The following MAP4 variants were observed in gnomAD, a reference collection of about 807,000 sequenced individuals.
MAP4 encodes the protein microtubule associated protein 4.
Under a neutral mutation model 170.2 loss-of-function variants are expected in MAP4, and 76 were observed. The ratio of observed to expected loss-of-function variants is 0.45; its 90% CI spans 0.37 to 0.54. The LOEUF is 0.54. Ranked by LOEUF, MAP4 falls within the 20% of genes least tolerant of loss-of-function variation. The pLI is 0.00. For missense variants in MAP4, 2,506 were observed against 2,748.0 expected, an observed-to-expected ratio of 0.91 and a Z score of 1.97; for synonymous variants, 909 against 994.5, an observed-to-expected ratio of 0.91 and a Z score of 1.62.
At chr3:48,019,198 TGG>T (rs1276153940), upstream of MAP4, among the ~76,000 whole-genome samples, 2 of 151,928 alleles carry the variant, frequency 1.3e-5, no homozygotes, top group African/African-American at 2.4e-5. Flanking sequence ...TTTAATTAGC[TGG>T]GCATGGTGGT....
intron 3 of MAP4, among the ~76,000 whole-genome samples, chr3:47,969,892 G>A (rs1331689777): frequency 6.6e-6 from 1 of 151,810 alleles, no homozygotes; most frequent in Non-Finnish European, 1.5e-5. Context: ...AGCAATGAGA[G>A]ATGGTAAATG....
chr3:47,887,177 G>A (rs889583240), intron 10 of MAP4, among the ~76,000 whole-genome samples: 1 of 152,262 alleles, frequency 6.6e-6, no homozygotes, highest in Non-Finnish European at 1.5e-5. Flanking sequence ...GCCAGAGCCA[G>A]CTCCCTCAGC....
At chr3:47,932,232 T>C (rs2100050288) in intron 3 of MAP4, among the ~76,000 whole-genome samples, 1 of 152,236 alleles carries the variant, frequency 6.6e-6, no homozygotes. Context: ...GTTTTCAAGG[T>C]TCATCCATGC....
chr3:48,039,560 G>A (rs1488704421), intron 1 of MAP4: 1 of 152,272 alleles, frequency 6.6e-6, no homozygotes, highest in African/African-American at 2.4e-5. Flanking sequence ...AATAAAAGTA[G>A]TTTTCAAACT....
At chr3:47,907,661 G>A (rs1277717369) in intron 9 of MAP4, among the ~76,000 whole-genome samples, 1 of 152,114 alleles carries the variant, frequency 6.6e-6, no homozygotes, top group African/African-American at 2.4e-5. Flanking sequence ...TGGAAATACT[G>A]AGCAAAAAGA....
At chr3:47,863,937 T>TGTGTGGGGGGGGGGGGG (rs374208589) in intron 17 of MAP4, among the ~76,000 whole-genome samples, 1 of 138,356 alleles carries the variant, frequency 7.2e-6, no homozygotes, top group African/African-American at 2.7e-5. Flanking sequence ...TGTGTGTGTG[T>TGTGTGGGGGGGGGGGGG]GGGGAGTGGT....
intron 3 of MAP4, among the ~76,000 whole-genome samples, chr3:47,963,227 G>C (rs984197753): frequency 6.6e-6 from 1 of 152,164 alleles, no homozygotes; most frequent in African/African-American, 2.4e-5. Flanking sequence ...AGGGGCTGAT[G>C]GTCAAACAGA....
chr3:47,944,921 G>A (rs1578091730), intron 3 of MAP4, among the ~76,000 whole-genome samples: 1 of 147,798 alleles, frequency 6.8e-6, no homozygotes, highest in East Asian at 2.0e-4. Flanking sequence ...TTTGTTAATG[G>A]TATTGCAATT....
intron 1 of MAP4, among the ~76,000 whole-genome samples, chr3:48,083,334 A>G (rs1559921450): frequency 6.6e-6 from 1 of 152,222 alleles, no homozygotes; most frequent in Non-Finnish European, 1.5e-5. Flanking sequence ...GTTTTAAACT[A>G]TTTTCCATAT....
chr3:47,942,331 A>T (rs1463480293), intron 3 of MAP4, among the ~76,000 whole-genome samples: 1 of 152,212 alleles, frequency 6.6e-6, no homozygotes, highest in Admixed American at 6.6e-5. Context: ...AAATGTCTGA[A>T]TGTGGTATTT....
At chr3:47,921,681 G>A in intron 5 of MAP4, 84 bp downstream of exon 5, 1 of 716,100 alleles carries the variant, frequency 1.4e-6, no homozygotes, top group Admixed American at 2.3e-5. Context: ...TTTTGTCACA[G>A]AGCCCTAGTC....
At chr3:48,008,989 G>C (rs1392264924) in intron 1 of MAP4, among the ~76,000 whole-genome samples, 1 of 152,172 alleles carries the variant, frequency 6.6e-6, no homozygotes, top group East Asian at 1.9e-4. Flanking sequence ...AAAGGGCAGA[G>C]GATTGTCCTC....
At chr3:47,920,552 T>G (rs985798201) in intron 5 of MAP4, among the ~76,000 whole-genome samples, 12 of 150,660 alleles carry the variant, frequency 8.0e-5, no homozygotes, top group Non-Finnish European at 1.3e-4. Context: ...TGGTTTTTTT[T>G]TTTTTTTTTT....
At chr3:48,005,174 A>G (rs2100101543) in intron 1 of MAP4, among the ~76,000 whole-genome samples, 1 of 152,182 alleles carries the variant, frequency 6.6e-6, no homozygotes, top group Admixed American at 6.5e-5. Flanking sequence ...AGTCTGGCCA[A>G]CATAGTGAAA....
intron 1 of MAP4, 35 bp from the exon 2 acceptor site, chr3:47,998,914 G>A (rs1306195414): frequency 8.4e-7 from 1 of 1,196,224 alleles, no homozygotes; most frequent in Admixed American, 1.8e-5. Context: ...CATGTAACGA[G>A]CACTGCAAAA....
chr3:48,040,430 A>C (rs1352955473), intron 1 of MAP4, among the ~76,000 whole-genome samples: 1 of 151,712 alleles, frequency 6.6e-6, no homozygotes, highest in Non-Finnish European at 1.5e-5. Flanking sequence ...AGCCATGCCC[A>C]ACTAATTTTT....
In MAP4 at chr3:47,932,722, T is replaced by C. The variant is rs989937237; in HGVS notation, c.293-4372A>G. ...TTCATCTGGCATTTGTATGTTTTCTTTGGAGACGTGAAATGAGTGGGGTCT... is the reference window on the plus strand; with the variant it reads ...TTCATCTGGCATTTGTATGTTTTCTCTGGAGACGTGAAATGAGTGGGGTCT... On this transcript the variant is annotated intron_variant, in intron 3 of 20. Coordinates refer to ENST00000683076, the MANE Select transcript of MAP4 (RefSeq NM_001385682.1). Among the ~76,000 whole-genome samples, 11 of 152,216 alleles carry C rather than the reference T, an allele frequency of 7.2e-5. No individual in the cohort carries two copies. In the East Asian group the frequency reaches 1.5e-3, roughly 21 times the overall value.
chr3:48,058,668 T>C (rs2100133547), intron 1 of MAP4, among the ~76,000 whole-genome samples: 1 of 152,242 alleles, frequency 6.6e-6, no homozygotes. Context: ...AAAAAATGTA[T>C]ACAGGAATCT....
intron 10 of MAP4, among the ~76,000 whole-genome samples, chr3:47,893,893 A>C (rs2100025410): frequency 6.6e-6 from 1 of 152,176 alleles, no homozygotes; most frequent in Non-Finnish European, 1.5e-5. Context: ...GAAATTACCA[A>C]GGTCCGCATA....
Sources: allele counts gnomAD v4.1 joint callset (sites outside exome capture counted in the v4.1 genomes callset), GRCh38; gene constraint gnomAD v4.1.1; transcripts MANE v1.5; gene names NCBI Gene and HGNC (gene_info 2026-07-23, HGNC 2026-07-21).